RAB11FIP3: variants seen among roughly 807,000 people sequenced by gnomAD.
The protein encoded by RAB11FIP3 is RAB11 family interacting protein 3.
A neutral mutation model predicts 77.8 loss-of-function variants in RAB11FIP3; 17 were observed. The ratio of observed to expected loss-of-function variants is 0.22; its 90% CI spans 0.15 to 0.33. RAB11FIP3 has a LOEUF of 0.33. RAB11FIP3 is among the 10% of genes least tolerant of loss of function. The pLI is 1.00. For missense variants in RAB11FIP3, 1,005 were observed against 1,011.2 expected (o/e 0.99, Z 0.08); for synonymous variants, 437 against 448.2 (o/e 0.98, Z 0.31).
chr16:426,425 G>C lies in RAB11FIP3; in HGVS notation c.419G>C (p.Ser140Thr). The C allele has an allele frequency of 6.3e-7, 1 of 1,584,564 alleles. No individual in the cohort carries two copies. The highest frequency in any genetic ancestry group is 1.1e-5 in the South Asian group (1 of 87,248). The change falls in exon 1 of 14, where the codon AGC (serine) becomes ACC (threonine). Residue 140 changes from serine (S) to threonine (T), a missense_variant. This residue lies in a region of RAB11FIP3 where 466 missense variants were observed against 408.3 expected (regional missense o/e 1.14). Coordinates refer to ENST00000262305, the MANE Select transcript of RAB11FIP3 (RefSeq NM_014700.4). This position sits in a 1 kb window ranked among gnomAD's most constrained non-coding sequence, Gnocchi z 5.0. The part of the protein sequence containing the change: ...EECGPASCPE[S>T]APFRLQGSSS... ...TGTGGCCCCGCGAGCTGCCCGGAGA[G>C]CGCGCCTTTCCGCTTGCAGGGGTCC...
intron 1 of RAB11FIP3, among the ~76,000 whole-genome samples, chr16:429,556 A>G (rs1475469641): frequency 2.0e-5 from 3 of 151,554 alleles, no homozygotes; most frequent in African/African-American, 7.3e-5. Context: ...CTGGAGTGCA[A>G]TGGTGTGATC....
intron 5 of RAB11FIP3, among the ~76,000 whole-genome samples, chr16:491,524 C>T (rs1426222241): frequency 1.3e-5 from 2 of 152,226 alleles, no homozygotes; most frequent in Admixed American, 6.5e-5. Context: ...GCTGTCTGTC[C>T]TGTGTGTGAA....
At chr16:446,038 T>C (rs1451345851) in intron 1 of RAB11FIP3, among the ~76,000 whole-genome samples, 1 of 152,122 alleles carries the variant, frequency 6.6e-6, no homozygotes, top group Admixed American at 6.6e-5. Context: ...CGTTGGGTCC[T>C]ACTTGCTCTT....
At chr16:488,744 C>A in intron 4 of RAB11FIP3, 107 bp from the exon 5 acceptor site, 6 of 1,032,248 alleles carry the variant, frequency 5.8e-6, no homozygotes, top group South Asian at 2.0e-5. Flanking sequence ...GCTCCCAGGA[C>A]TCACGTGTGG....
At chr16:511,417 C>T (rs1382098021) in intron 9 of RAB11FIP3, among the ~76,000 whole-genome samples, 2 of 89,844 alleles carry the variant, frequency 2.2e-5, no homozygotes, top group East Asian at 6.9e-4. Flanking sequence ...AACCCCAGAA[C>T]CTGCAGGCCA....
At chr16:475,704 G>T (rs2055891462) in intron 3 of RAB11FIP3, among the ~76,000 whole-genome samples, 1 of 152,166 alleles carries the variant, frequency 6.6e-6, no homozygotes, top group East Asian at 1.9e-4. Context: ...GATGGCGATG[G>T]CATGGAAGTG....
chr16:471,743 G>A lies in RAB11FIP3; in HGVS notation c.903+354G>A, dbSNP rs2055813251. 6.6e-6 allele frequency among the ~76,000 whole-genome samples: 1 copy of A among 152,140 alleles called. No individual in the cohort carries two copies. Among genetic ancestry groups the A allele is most frequent in the Non-Finnish European group, 1.5e-5 (1 of 68,026 alleles). ...CTTGCAAATGATTTTCTGTGTTTGG[G>A]GATGCCTGACTAATGCCTGCCCCTG... On this transcript the variant is annotated intron_variant, in intron 3 of 13. Transcript: ENST00000262305. The surrounding 1 kb of genome is among the most constrained non-coding windows in gnomAD (Gnocchi z 4.4).
chr16:500,687 C>CAAAAA lies in RAB11FIP3; in HGVS notation c.1302-2292_1302-2288dup, dbSNP rs56771770. Among the ~76,000 whole-genome samples the CAAAAA allele has an allele frequency of 2.9e-3, 65 of 22,272 alleles. 3 individuals carry two copies. The highest frequency in any genetic ancestry group is 0.015 in the African/African-American group (58 of 3,988). The allele number at this position is 22,272 out of a possible 152,430, so 14.6% of individuals were successfully genotyped here. ...CAGGTGACAGTGCAAGACTCTGTCG[C>CAAAAA]AAAAAAAAAAAAAAAAAAAAAAAAA... On this transcript the variant is annotated intron_variant, in intron 6 of 13. Transcript: ENST00000262305.
At chr16:431,574 C>T (rs1446612810) in intron 1 of RAB11FIP3, among the ~76,000 whole-genome samples, 4 of 151,894 alleles carry the variant, frequency 2.6e-5, no homozygotes, top group African/African-American at 4.8e-5. Context: ...GGGGTTTCGC[C>T]GTGTTGACTA....
At chr16:485,089 C>T (rs1013178671) in intron 4 of RAB11FIP3, among the ~76,000 whole-genome samples, 5 of 152,080 alleles carry the variant, frequency 3.3e-5, no homozygotes, top group African/African-American at 7.2e-5. Flanking sequence ...TCACTGCTTG[C>T]GGGAGGGGTC....
intron 4 of RAB11FIP3, 40 bp from the exon 5 acceptor site, chr16:488,806 CCCTGG>C (rs2029913465): frequency 6.3e-7 from 1 of 1,592,458 alleles, no homozygotes; most frequent in Non-Finnish European, 8.6e-7. Flanking sequence ...CTCGGGGGTG[CCCTGG>C]CCTTCAGTCA....
intron 1 of RAB11FIP3, among the ~76,000 whole-genome samples, chr16:432,875 A>C (rs920829196): frequency 6.6e-6 from 1 of 151,556 alleles, no homozygotes; most frequent in African/African-American, 2.4e-5. Context: ...AAGTGCTGGG[A>C]TTACAGGCAT....
intron 9 of RAB11FIP3, among the ~76,000 whole-genome samples, chr16:515,566 G>A (rs1029775898): frequency 6.9e-6 from 1 of 145,380 alleles, no homozygotes; most frequent in African/African-American, 2.6e-5. Context: ...CCACACGGGC[G>A]ACACGGACCG....
At chr16:485,835 G>A (rs553793031) in intron 4 of RAB11FIP3, among the ~76,000 whole-genome samples, 1 of 152,102 alleles carries the variant, frequency 6.6e-6, no homozygotes, top group South Asian at 2.1e-4. Context: ...GTTTACTTAC[G>A]CTTTCTTTTA....
chr16:465,588 C>T (rs1205543380), intron 2 of RAB11FIP3, among the ~76,000 whole-genome samples: 1 of 152,090 alleles, frequency 6.6e-6, no homozygotes, highest in African/African-American at 2.4e-5. Flanking sequence ...GGCGGCCTGT[C>T]AGTAGCCACG....
intron 1 of RAB11FIP3, among the ~76,000 whole-genome samples, chr16:443,664 C>T (rs2055262645): frequency 6.6e-6 from 1 of 152,174 alleles, no homozygotes; most frequent in Non-Finnish European, 1.5e-5. Context: ...CTCCCAGGTT[C>T]AAGCGATTCT....
intron 5 of RAB11FIP3, among the ~76,000 whole-genome samples, chr16:492,425 C>CT (rs2030510517): frequency 6.9e-5 from 3 of 43,226 alleles, no homozygotes; most frequent in African/African-American, 3.9e-4. Context: ...CCAGGGCCCT[C>CT]CCCGGGAGAC....
intron 5 of RAB11FIP3, chr16:491,064 C>T (rs2030135213): frequency 8.1e-7 from 1 of 1,237,024 alleles, no homozygotes; most frequent in African/African-American, 1.6e-5. Flanking sequence ...CCCCTCGGCC[C>T]CTCGTGCGGA....
Position 429,544 on chromosome 16 carries a change from G to C in RAB11FIP3, c.714+2824G>C, listed in dbSNP as rs1340249741. ...GGAGTCTCGCCTGCTCTGTCGCCCA[G>C]GCTGGAGTGCAATGGTGTGATCTCG... On this transcript the variant is annotated intron_variant, in intron 1 of 13. Transcript: ENST00000262305. 2.6e-5 allele frequency among the ~76,000 whole-genome samples: 4 copies of C among 151,410 alleles called. No individual in the cohort carries two copies. The East Asian group carries it at 7.8e-4, about 29-fold the overall frequency.
Sources: gnomAD v4.1 joint callset for allele counts (sites outside exome capture counted in the v4.1 genomes callset) on GRCh38, gnomAD v4.1.1 for gene constraint, gnomAD v4.1.1 regional missense constraint, Gnocchi (gnomAD v3.1) non-coding constraint, MANE v1.5 for transcripts, NCBI Gene and HGNC (gene_info 2026-07-23, HGNC 2026-07-21) for gene names.